C5orf34: variants seen among roughly 807,000 people sequenced by gnomAD.
C5orf34 encodes chromosome 5 open reading frame 34.
In C5orf34, 73 loss-of-function variants were observed where a neutral mutation model predicts 78.4. The ratio of observed to expected loss-of-function variants is 0.93; its 90% CI spans 0.77 to 1.13. The LOEUF is 1.13. Among genes scored for constraint, C5orf34 ranks in the 50% most tolerant of loss-of-function variants. C5orf34 has a pLI of 0.00. For synonymous variants in C5orf34, 251 were observed against 246.6 expected, an observed-to-expected ratio of 1.02 and a Z score of -0.17; for missense variants, 730 against 732.7, an observed-to-expected ratio of 1.00 and a Z score of 0.04.
intron 3 of C5orf34, among the ~76,000 whole-genome samples, 158 bp downstream of exon 3, chr5:43,508,419 A>G (rs1746083330): frequency 6.6e-6 from 1 of 152,224 alleles, no homozygotes; most frequent in South Asian, 2.1e-4. Context: ...CTTGGATACA[A>G]AGAAAATGGC....
Position 43,503,580 on chromosome 5 carries a change from T to A in C5orf34, c.1028+85A>T, listed in dbSNP as rs1745853487. 1.2e-5 allele frequency: 11 copies of A among 889,432 alleles called. No homozygotes were observed. The East Asian group carries it at 2.7e-4, about 22-fold the overall frequency. 55.1% of individuals were successfully genotyped at this position (889,432 alleles called of 1,614,324 possible). ...ACAGAACTGTGTCCTCTTCTGAGAG[T>A]CTGTCTATAAGGCTCGTCCCATCTT... is the stretch of plus-strand genomic sequence containing the variant. On this transcript the variant is annotated intron_variant, in intron 5 of 12. Transcript: ENST00000306862.
chr5:43,512,046 A>AG lies in C5orf34; in HGVS notation c.-36-2672dup, dbSNP rs1318673436. ...TCAACTAAAAAAAAAAAAAAAAAAA[A>AG]GAGTTGGGTTTCATTCACACCTTAC... On this transcript the variant is annotated intron_variant, in intron 1 of 12. Transcript: ENST00000306862. Among the ~76,000 whole-genome samples the AG allele has an allele frequency of 1.6e-3, 220 of 135,464 alleles. 1 individual carries two copies. The highest frequency in any genetic ancestry group is 5.6e-3 in the African/African-American group (212 of 37,588). The allele number at this position is 135,464 out of a possible 152,430, so 88.9% of individuals were successfully genotyped here. A position where few individuals can be genotyped will look rare whatever the true frequency, so the allele number is the denominator to read the frequency against.
intron 10 of C5orf34, among the ~76,000 whole-genome samples, chr5:43,491,730 A>G (rs1179386650): frequency 2.0e-5 from 3 of 152,296 alleles, no homozygotes; most frequent in East Asian, 1.9e-4. Flanking sequence ...AAGGCCGGGC[A>G]TGGTGGCTCA....
chr5:43,490,301 A>G (rs895996150), intron 11 of C5orf34: 1 of 179,866 alleles, frequency 5.6e-6, no homozygotes, highest in Non-Finnish European at 1.2e-5. Context: ...CTTCAACATT[A>G]CTAAAAATTT....
intron 6 of C5orf34, among the ~76,000 whole-genome samples, 187 bp downstream of exon 6, chr5:43,502,172 GATAGCAGGTGAAA>G (rs1162348255): frequency 2.6e-5 from 4 of 152,148 alleles, no homozygotes; most frequent in African/African-American, 4.8e-5. Flanking sequence ...GGCAAATGGA[GATAGCAGGTGAAA>G]ATACAGTAAA....
rs1393081817 is a variant in C5orf34 at position 43,508,608 on chromosome 5, G to C, written c.254C>G (p.Ser85Cys). 2 of 1,610,506 alleles carry C rather than the reference G, an allele frequency of 1.2e-6. No individual in the cohort carries two copies. Among genetic ancestry groups the C allele is most frequent in the Admixed American group, 3.3e-5 (2 of 59,910 alleles). ...RNSSATCPFL[S>C]ETIIPSERKK... is the part of the protein sequence containing the mutation. ...TCTTTCAGAAGGTATGATGGTTTCA[G>C]ATAAAAAAGGGCAAGTAGCTGAAGA... is the stretch of plus-strand genomic sequence containing the variant. The change falls in exon 3 of 13, where the codon TCT (serine) becomes TGT (cysteine). Residue 85 changes from serine (S) to cysteine (C), a missense_variant. Physicochemically the swap from Ser to Cys is moderately radical, Grantham distance 112. Transcript: ENST00000306862.
intron 4 of C5orf34, among the ~76,000 whole-genome samples, chr5:43,504,263 C>T (rs570360824): frequency 5.3e-4 from 80 of 150,178 alleles, no homozygotes; most frequent in Admixed American, 1.6e-3. Context: ...GCTGAGATCG[C>T]GCCAGCCTGG....
At chr5:43,514,257 T>C (rs1746389905) in intron 1 of C5orf34, 1 of 152,254 alleles carries the variant, frequency 6.6e-6, no homozygotes, top group African/African-American at 2.4e-5. Flanking sequence ...ATCTCTAGTA[T>C]TGATGACATA....
At position 43,502,426 on chromosome 5, in the gene C5orf34, C is replaced by T. The variant is rs35752576; in HGVS notation, c.1098G>A (p.Gly366=). The change falls in exon 6 of 13, where the codon GGG becomes GGA. Residue 366 remains glycine, a synonymous_variant. Transcript: ENST00000306862. The part of the protein sequence containing the change: ...SGDGSVFKSE[G]AYFGNYFTYY... ...AAGTAAAATAGTTCCCAAAATAAGC[C>T]CCTTCTGATTTGAAAACAGATCCAT... is the stretch of plus-strand genomic sequence containing the variant. 16,957 of 1,605,982 alleles carry T rather than the reference C, an allele frequency of 0.011. 143 individuals are homozygous for T. The highest frequency in any genetic ancestry group is 0.025 in the Middle Eastern group (150 of 6,040).
chr5:43,504,300 A>C (rs2112314495), intron 4 of C5orf34, among the ~76,000 whole-genome samples: 2 of 152,078 alleles, frequency 1.3e-5, no homozygotes. Context: ...CCATCTCAAA[A>C]AAAAAAAAAA....
chr5:43,494,462 G>T, intron 7 of C5orf34, 48 bp downstream of exon 7: 1 of 1,187,914 alleles, frequency 8.4e-7, no homozygotes, highest in Non-Finnish European at 1.2e-6. Context: ...AATGTGCCAA[G>T]ATGTTTAGAC....
intron 6 of C5orf34, chr5:43,495,153 C>T (rs996123028): frequency 3.7e-6 from 6 of 1,607,682 alleles, no homozygotes; most frequent in Non-Finnish European, 5.1e-6. Flanking sequence ...GCTTTGATGA[C>T]ACCCACCGCA....
In C5orf34 at chr5:43,493,561, A is replaced by G; in HGVS notation, c.1296T>C (p.Arg432=). ...AACATACCATTTTCCAGCAGCATAT[A>G]CGATAGTTATGGCTTAAAGAAAGTC... ...KMRLSLSHNY[R]ICCWKMVPGI... is the part of the protein sequence containing the mutation. The change falls in exon 8 of 13, where the codon CGT becomes CGC. Residue 432 remains arginine, a synonymous_variant. Transcript: ENST00000306862. 2.5e-6 allele frequency: 4 copies of G among 1,571,468 alleles called. No individual in the cohort carries two copies. Among genetic ancestry groups the G allele is most frequent in the Non-Finnish European group, 3.5e-6 (4 of 1,151,908 alleles).
chr5:43,493,689 A>C, intron 7 of C5orf34, 77 bp from the exon 8 acceptor site: 1 of 769,174 alleles, frequency 1.3e-6, no homozygotes, highest in Non-Finnish European at 2.2e-6. Context: ...TCACTGCCAT[A>C]CAACATTTTA....
At position 43,490,640 on chromosome 5, in the gene C5orf34, T is replaced by C. The variant is rs780414680; in HGVS notation, c.1670A>G (p.Gln557Arg). The C allele has an allele frequency of 4.2e-5, 68 of 1,600,660 alleles. No individual in the cohort carries two copies. In the East Asian group the frequency reaches 1.5e-3, roughly 36 times the overall value. The change falls in exon 11 of 13, where the codon CAA becomes CGA. Residue 557 changes from glutamine (Q) to arginine (R), a missense_variant. Coordinates refer to ENST00000306862, the MANE Select transcript of C5orf34 (RefSeq NM_198566.4). ...TTTAAAAGAAAAATACCAATTTTCT[T>C]GGAGAACAGAAGATGACGAATGAGT... ...MPTHSSSSVL[Q>R]ENWSVASELE...
intron 6 of C5orf34, among the ~76,000 whole-genome samples, chr5:43,497,124 T>C (rs1351578180): frequency 4.0e-5 from 6 of 151,668 alleles, no homozygotes; most frequent in African/African-American, 7.2e-5. Flanking sequence ...AGGCGGAGGT[T>C]ACTGAAATTT....
In C5orf34 at chr5:43,503,710, T is replaced by C. The variant is rs764001664; in HGVS notation, c.983A>G (p.Tyr328Cys). 4 of 1,613,672 alleles carry C rather than the reference T, an allele frequency of 2.5e-6. No individual in the cohort carries two copies. The highest frequency in any genetic ancestry group is 1.1e-5 in the South Asian group (1 of 91,080). The change falls in exon 5 of 13, where the codon TAT (tyrosine) becomes TGT (cysteine). Residue 328 changes from tyrosine to cysteine, a missense_variant. Physicochemically the swap from Tyr to Cys is radical, Grantham distance 194. Transcript: ENST00000306862. ...LLQRQSDEYS[Y>C]PELVKMVWYK... ...CCAAACCATTTTCACTAGTTCAGGA[T>C]AGGAATATTCATCAGATTGTCTCTG...
chr5:43,495,151 GACACCC>G (rs1366702871), intron 6 of C5orf34: 1 of 1,607,044 alleles, frequency 6.2e-7, no homozygotes, highest in Non-Finnish European at 8.5e-7. Flanking sequence ...CTGCTTTGAT[GACACCC>G]ACCGCAACTG....
intron 4 of C5orf34, 101 bp from the exon 5 acceptor site, chr5:43,503,861 T>C: frequency 1.4e-6 from 1 of 723,442 alleles, no homozygotes; most frequent in South Asian, 1.6e-5. Context: ...AATTTCTTGT[T>C]TAACTCACTA....
Sources: gnomAD v4.1 joint callset for allele counts (sites outside exome capture counted in the v4.1 genomes callset) on GRCh38, gnomAD v4.1.1 for gene constraint, MANE v1.5 for transcripts, NCBI Gene and HGNC (gene_info 2026-07-23, HGNC 2026-07-21) for gene names.